NALF1: variants seen among roughly 807,000 people sequenced by gnomAD.
NALF1 encodes the protein NALCN channel auxiliary factor 1.
Under a neutral mutation model 48.4 loss-of-function variants are expected in NALF1, and 3 were observed. The observed-to-expected ratio is 0.06, with a 90% confidence interval of 0.03 to 0.16. The LOEUF is 0.16. NALF1 is among the 10% of genes least tolerant of loss of function. The probability of loss-of-function intolerance (pLI) is 1.00; values close to 1 mark genes in which losing one functional copy is unlikely to be tolerated. For synonymous variants in NALF1, 262 were observed against 245.7 expected, an observed-to-expected ratio of 1.07 and a Z score of -0.62; for missense variants, 526 against 571.5, an observed-to-expected ratio of 0.92 and a Z score of 0.81.
intron 2 of NALF1, among the ~76,000 whole-genome samples, chr13:107,199,428 A>G (rs1231038279): frequency 6.6e-6 from 1 of 152,134 alleles, no homozygotes; most frequent in African/African-American, 2.4e-5. Flanking sequence ...CACTAATTAC[A>G]TTGGACTAGG....
intron 1 of NALF1, among the ~76,000 whole-genome samples, chr13:107,544,219 T>C (rs988892650): frequency 2.0e-5 from 3 of 152,148 alleles, no homozygotes; most frequent in Non-Finnish European, 4.4e-5. Context: ...GGTGGGCTGA[T>C]GCATGCTTTT....
At chr13:107,451,187 A>G (rs561512798) in intron 1 of NALF1, among the ~76,000 whole-genome samples, 7 of 152,244 alleles carry the variant, frequency 4.6e-5, no homozygotes, top group Admixed American at 3.9e-4. Flanking sequence ...GCGCGGCCAC[A>G]AGCGGAAATG....
chr13:107,801,775 A>G (rs1216492185), intron 1 of NALF1, among the ~76,000 whole-genome samples: 3 of 152,180 alleles, frequency 2.0e-5, no homozygotes, highest in African/African-American at 7.2e-5. Context: ...AAGTCTACTC[A>G]GTCGCTCTCT....
intron 1 of NALF1, among the ~76,000 whole-genome samples, chr13:107,578,651 T>C (rs976851314): frequency 4.6e-5 from 7 of 152,212 alleles, no homozygotes; most frequent in African/African-American, 1.4e-4. Context: ...TGTTGTATCA[T>C]TGTGATATGA....
intron 1 of NALF1, among the ~76,000 whole-genome samples, chr13:107,830,016 C>A (rs773293554): frequency 2.0e-5 from 3 of 152,176 alleles, no homozygotes; most frequent in Non-Finnish European, 4.4e-5. Flanking sequence ...AACCCTAACT[C>A]GCAGAAGATT....
chr13:107,584,032 G>A (rs1313764562), intron 1 of NALF1, among the ~76,000 whole-genome samples: 1 of 151,902 alleles, frequency 6.6e-6, no homozygotes, highest in Non-Finnish European at 1.5e-5. Context: ...AGGACTTTAG[G>A]TGAAATTTTG....
At chr13:107,814,950 T>C (rs1269438894) in intron 1 of NALF1, among the ~76,000 whole-genome samples, 1 of 152,010 alleles carries the variant, frequency 6.6e-6, no homozygotes, top group Non-Finnish European at 1.5e-5. Flanking sequence ...CCAATAAATA[T>C]AAAATGTTGG....
chr13:107,737,121 C>T lies in NALF1; in HGVS notation c.915+128561G>A, dbSNP rs914251467. On this transcript the variant is annotated intron_variant, in intron 1 of 2. Transcript: ENST00000375915. ...CATTAAAACAACATTATTAAGTCTT[C>T]GTAAATGGCATTATTAATAGCTGCA... Among the ~76,000 whole-genome samples the T allele has an allele frequency of 1.1e-4, 17 of 152,228 alleles. No homozygotes were observed. The East Asian group carries it at 1.2e-3, about 10-fold the overall frequency.
At chr13:107,657,787 T>C (rs1445619074) in intron 1 of NALF1, among the ~76,000 whole-genome samples, 1 of 152,212 alleles carries the variant, frequency 6.6e-6, no homozygotes, top group Non-Finnish European at 1.5e-5. Flanking sequence ...ACAACTGAAA[T>C]GTCAACGCCA....
chr13:107,390,059 T>C (rs1477922140), intron 1 of NALF1, among the ~76,000 whole-genome samples: 1 of 152,108 alleles, frequency 6.6e-6, no homozygotes, highest in Non-Finnish European at 1.5e-5. Context: ...CCCACTTTAG[T>C]AGTAAAATAT....
At chr13:107,243,659 GAC>G (rs1880522011) in intron 1 of NALF1, among the ~76,000 whole-genome samples, 1 of 152,144 alleles carries the variant, frequency 6.6e-6, no homozygotes, top group Non-Finnish European at 1.5e-5. Flanking sequence ...AAGAACTAGA[GAC>G]ATTTAACGCT....
intron 1 of NALF1, among the ~76,000 whole-genome samples, chr13:107,755,321 T>G (rs572577393): frequency 6.6e-6 from 1 of 152,172 alleles, no homozygotes; most frequent in Admixed American, 6.5e-5. Flanking sequence ...CTAGCTGCAC[T>G]TCTCCTCTAT....
chr13:107,786,280 G>A (rs1384486571), intron 1 of NALF1, among the ~76,000 whole-genome samples: 2 of 151,864 alleles, frequency 1.3e-5, no homozygotes, highest in South Asian at 2.1e-4. Flanking sequence ...GCTGAGCGTG[G>A]TGGTGCATGC....
At chr13:107,841,522 A>G (rs766559604) in intron 1 of NALF1, among the ~76,000 whole-genome samples, 15 of 152,178 alleles carry the variant, frequency 9.9e-5, no homozygotes, top group African/African-American at 3.6e-4. Flanking sequence ...AATAAATATT[A>G]TAAGTCATGG....
chr13:107,710,972 G>C (rs182051517), intron 1 of NALF1, among the ~76,000 whole-genome samples: 31 of 151,734 alleles, frequency 2.0e-4, no homozygotes, highest in Non-Finnish European at 3.8e-4. Flanking sequence ...GTATCGATGA[G>C]TCTTATTTGC....
chr13:107,678,322 G>A (rs982228655), intron 1 of NALF1, among the ~76,000 whole-genome samples: 1 of 152,238 alleles, frequency 6.6e-6, no homozygotes, highest in Non-Finnish European at 1.5e-5. Context: ...GAGATGGGTA[G>A]GAATCTCAAG....
At chr13:107,177,770 C>T (rs1312099797) in intron 2 of NALF1, among the ~76,000 whole-genome samples, 1 of 152,192 alleles carries the variant, frequency 6.6e-6, no homozygotes, top group Non-Finnish European at 1.5e-5. Context: ...ACTTAAGGGG[C>T]CAGGTGCTAT....
At chr13:107,840,935 C>G (rs879342336) in intron 1 of NALF1, among the ~76,000 whole-genome samples, 4 of 152,008 alleles carry the variant, frequency 2.6e-5, no homozygotes, top group Non-Finnish European at 4.4e-5. Context: ...GAAATCTTTC[C>G]TAATCCTTCC....
intron 1 of NALF1, among the ~76,000 whole-genome samples, chr13:107,477,373 C>T (rs1885189482): frequency 6.6e-6 from 1 of 152,112 alleles, no homozygotes; most frequent in African/African-American, 2.4e-5. Context: ...TCAATATTTG[C>T]TTCAAGACCC....
Sources: allele counts gnomAD v4.1 joint callset (sites outside exome capture counted in the v4.1 genomes callset), GRCh38; gene constraint gnomAD v4.1.1; transcripts MANE v1.5; gene names NCBI Gene and HGNC (gene_info 2026-07-23, HGNC 2026-07-21).